Variants in FOXN1 observed in about 807,000 individuals in gnomAD.
The protein encoded by FOXN1 is forkhead box protein N1.
In FOXN1, 15 loss-of-function variants were observed where a neutral mutation model predicts 49.0. That is an observed-to-expected ratio of 0.31 (90% CI 0.20 to 0.47). The LOEUF is 0.47. FOXN1 is among the 20% of genes least tolerant of loss of function. FOXN1 has a pLI of 1.00. For synonymous variants in FOXN1, 356 were observed against 369.0 expected, an observed-to-expected ratio of 0.96 and a Z score of 0.40; for missense variants, 800 against 842.8, an observed-to-expected ratio of 0.95 and a Z score of 0.63.
intron 8 of FOXN1, among the ~76,000 whole-genome samples, chr17:28,535,686 T>G (rs2070045448): frequency 6.6e-6 from 1 of 152,184 alleles, no homozygotes; most frequent in Non-Finnish European, 1.5e-5. Context: ...GAGGTTGCAG[T>G]GAGCCAAGAT....
At chr17:28,533,884 C>T (rs2069981314) in intron 6 of FOXN1, among the ~76,000 whole-genome samples, 1 of 152,182 alleles carries the variant, frequency 6.6e-6, no homozygotes, top group Admixed American at 6.5e-5. Flanking sequence ...CATTCTTCCC[C>T]TAATTCCCCT....
chr17:28,529,793 T>C (rs1320521258), intron 5 of FOXN1, among the ~76,000 whole-genome samples: 1 of 152,012 alleles, frequency 6.6e-6, no homozygotes, highest in Non-Finnish European at 1.5e-5. Flanking sequence ...CTACATGGGA[T>C]CGGGTCATCA....
At chr17:28,522,136 C>T (rs553963667) in intron 1 of FOXN1, among the ~76,000 whole-genome samples, 54 of 152,260 alleles carry the variant, frequency 3.5e-4, no homozygotes, top group Non-Finnish European at 6.8e-4. Flanking sequence ...CCCGCTGAGC[C>T]TCAGCATCCT....
intron 1 of FOXN1, among the ~76,000 whole-genome samples, chr17:28,521,365 G>A (rs2069636810): frequency 1.3e-5 from 2 of 152,200 alleles, no homozygotes. Flanking sequence ...TGGAGCTGGA[G>A]AATGCCAGCC....
In FOXN1 at chr17:28,534,982, T is replaced by C. The variant is rs768374108; in HGVS notation, c.1411T>C (p.Leu471=). ...GGCCCCTCCTGGACCCCCGCAGCCATTGTTCCCACAGCCGGACGGGCACCT... is the reference window on the plus strand; with the variant it reads ...GGCCCCTCCTGGACCCCCGCAGCCACTGTTCCCACAGCCGGACGGGCACCT... ...GLAPPGPPQP[L]FPQPDGHLEL... Residue 471 remains leucine (L), a synonymous_variant, in exon 8 of 9, where the codon TTG becomes CTG. Coordinates refer to ENST00000579795, the MANE Select transcript of FOXN1 (RefSeq NM_001369369.1). This position sits in a 1 kb window ranked among gnomAD's most constrained non-coding sequence, Gnocchi z 4.1. The C allele has an allele frequency of 2.5e-6, 4 of 1,613,956 alleles. No homozygotes were observed. Among genetic ancestry groups the C allele is most frequent in the South Asian group, 1.1e-5 (1 of 91,074 alleles).
chr17:28,524,729 A>T lies in FOXN1; in HGVS notation c.350A>T (p.Lys117Met). ...AAASSPGRFL[K>M]GSHAPFHPYK... ...GCAAGCAGCCCTGGGCGATTCCTCAAGGGCAGCCACGCGCCCTTCCACCCG... is the reference window on the plus strand; with the variant it reads ...GCAAGCAGCCCTGGGCGATTCCTCATGGGCAGCCACGCGCCCTTCCACCCG... Residue 117 changes from lysine to methionine, a missense_variant, in exon 3 of 9, where the codon AAG becomes ATG. Physicochemically the swap from Lys to Met is moderately conservative, Grantham distance 95 (BLOSUM62 -1). Around this residue, in one of 3 missense-constraint regions of FOXN1, gnomAD observed 383 missense variants for 357.9 expected, o/e 1.07. Transcript: ENST00000579795. 1 of 1,612,716 alleles carries T rather than the reference A, an allele frequency of 6.2e-7. No homozygotes were observed. Among genetic ancestry groups the T allele is most frequent in the South Asian group, 1.1e-5 (1 of 90,974 alleles).
intron 1 of FOXN1, among the ~76,000 whole-genome samples, chr17:28,521,113 C>G (rs891219991): frequency 1.3e-5 from 2 of 152,192 alleles, no homozygotes; most frequent in Non-Finnish European, 2.9e-5. Context: ...GATGACCCTG[C>G]GAGGTGGGTC....
rs1567886791 is a variant in FOXN1, at chr17:28,534,753, C to T, written c.1182C>T (p.Ser394=). 6.2e-7 allele frequency: 1 copy of T among 1,613,722 alleles called. No homozygotes were observed. Among genetic ancestry groups the T allele is most frequent in the Non-Finnish European group, 8.5e-7 (1 of 1,179,862 alleles). ...LIGDKREKLG[S]PLLGCPPPGL... Reference sequence around the variant, plus strand: ...GAGACAAGAGAGAAAAGCTGGGCTCCCCACTCCTGGGCTGTCCGCCCCCTG... The same window carrying T: ...GAGACAAGAGAGAAAAGCTGGGCTCTCCACTCCTGGGCTGTCCGCCCCCTG... Residue 394 remains serine, a synonymous_variant, in exon 8 of 9, where the codon TCC becomes TCT. Coordinates refer to ENST00000579795, the MANE Select transcript of FOXN1 (RefSeq NM_001369369.1). This position sits in a 1 kb window ranked among gnomAD's most constrained non-coding sequence, Gnocchi z 4.1.
In FOXN1 at chr17:28,534,239, A is replaced by G; in HGVS notation, c.928-92A>G. The G allele has an allele frequency of 6.3e-7, 1 of 1,599,580 alleles. No homozygotes were observed. Among genetic ancestry groups the G allele is most frequent in the Non-Finnish European group, 8.5e-7 (1 of 1,172,596 alleles). On this transcript the variant is annotated intron_variant, in intron 6 of 8. Coordinates refer to ENST00000579795, the MANE Select transcript of FOXN1 (RefSeq NM_001369369.1). This position sits in a 1 kb window ranked among gnomAD's most constrained non-coding sequence, Gnocchi z 4.1. ...GAGTGGGCGGCAGCTCTGTGCCCAG[A>G]GGAGAAACAGGAGTGTTCTAGAACC...
chr17:28,524,408 A>G (rs1403535306), intron 2 of FOXN1, 95 bp from the exon 3 acceptor site: 1 of 1,114,480 alleles, frequency 9.0e-7, no homozygotes, highest in African/African-American at 1.5e-5. Context: ...GCTCAGCCAT[A>G]GACCCCCTTT....
In FOXN1 at chr17:28,512,080, A is replaced by G. The variant is rs555173221; in HGVS notation, c.-15+5637A>G. Among the ~76,000 whole-genome samples the G allele has an allele frequency of 1.1e-3, 165 of 152,226 alleles. 2 individuals carry two copies. Among genetic ancestry groups the G allele is most frequent in the African/African-American group, 3.9e-3 (161 of 41,542 alleles). ...GGACCCAGAGCTAATGAGTGCTTAG[A>G]GGTCAGCCACTTCATCCCATACCCC... On this transcript the variant is annotated intron_variant, in intron 1 of 8. Transcript: ENST00000579795.
At chr17:28,512,311 C>G (rs2069411283) in intron 1 of FOXN1, among the ~76,000 whole-genome samples, 1 of 152,200 alleles carries the variant, frequency 6.6e-6, no homozygotes, top group South Asian at 2.1e-4. Context: ...TCTAAGGCCT[C>G]AGATCACTGC....
intron 1 of FOXN1, among the ~76,000 whole-genome samples, chr17:28,515,860 A>G (rs1006780646): frequency 6.6e-6 from 1 of 152,056 alleles, no homozygotes; most frequent in Non-Finnish European, 1.5e-5. Context: ...ACACACCTCC[A>G]CAGGGTACAC....
intron 1 of FOXN1, among the ~76,000 whole-genome samples, chr17:28,512,252 G>A (rs2069410440): frequency 6.6e-6 from 1 of 152,212 alleles, no homozygotes; most frequent in Non-Finnish European, 1.5e-5. Context: ...CCTTATCACA[G>A]CTGGGCAGAC....
Position 28,534,786 on chromosome 17 carries a change from C to T in FOXN1, c.1215C>T (p.Ser405=), listed in dbSNP as rs116778145. ...TGGGCTGTCCGCCCCCTGGGCTGTCCGGCTCAGGCCCCATCCGGCCCCTGG... is the reference window on the plus strand; with the variant it reads ...TGGGCTGTCCGCCCCCTGGGCTGTCTGGCTCAGGCCCCATCCGGCCCCTGG... ...PLLGCPPPGL[S]GSGPIRPLAP... The change falls in exon 8 of 9, where the codon TCC becomes TCT. Residue 405 remains serine, a synonymous_variant. Transcript: ENST00000579795. This position sits in a 1 kb window ranked among gnomAD's most constrained non-coding sequence, Gnocchi z 4.1. 1,533 of 1,613,632 alleles carry T rather than the reference C, an allele frequency of 9.5e-4. 19 individuals are homozygous for T. The African/African-American group carries it at 0.018, about 19-fold the overall frequency.
intron 6 of FOXN1, among the ~76,000 whole-genome samples, chr17:28,533,890 C>T (rs2069981523): frequency 6.6e-6 from 1 of 152,168 alleles, no homozygotes; most frequent in Non-Finnish European, 1.5e-5. Flanking sequence ...TCCCCTAATT[C>T]CCCTGTCTAA....
chr17:28,528,416 T>C (rs1390435406), intron 4 of FOXN1, among the ~76,000 whole-genome samples: 2 of 152,014 alleles, frequency 1.3e-5, no homozygotes, highest in African/African-American at 4.8e-5. Flanking sequence ...TTTGATGGCC[T>C]CTGCAGTCTG....
chr17:28,515,635 T>G (rs1294843371), intron 1 of FOXN1, among the ~76,000 whole-genome samples: 1 of 150,448 alleles, frequency 6.6e-6, no homozygotes, highest in Admixed American at 6.6e-5. Context: ...CCTCCAAAAG[T>G]ATAGACTTCC....
At chr17:28,527,753 G>A (rs2069807071) in intron 4 of FOXN1, among the ~76,000 whole-genome samples, 1 of 152,214 alleles carries the variant, frequency 6.6e-6, no homozygotes, top group South Asian at 2.1e-4. Flanking sequence ...CTTCTGTATA[G>A]TCAGCCACCA....
Sources: allele counts gnomAD v4.1 joint callset (sites outside exome capture counted in the v4.1 genomes callset), GRCh38; gene constraint gnomAD v4.1.1; regional missense constraint gnomAD v4.1.1; non-coding constraint Gnocchi (gnomAD v3.1); transcripts MANE v1.5; gene names NCBI Gene and HGNC (gene_info 2026-07-23, HGNC 2026-07-21).